The following SLC4A4 variants were observed in gnomAD, a reference collection of about 807,000 sequenced individuals.
SLC4A4 encodes solute carrier family 4 member 4, also known as electrogenic sodium bicarbonate cotransporter 1.
In SLC4A4, 27 loss-of-function variants were observed where a neutral mutation model predicts 111.5. That is an observed-to-expected ratio of 0.24 (90% CI 0.18 to 0.33). SLC4A4 has a LOEUF of 0.33. Ranked by LOEUF, SLC4A4 falls within the 10% of genes least tolerant of loss-of-function variation. The probability of loss-of-function intolerance (pLI) is 1.00; values close to 1 mark genes in which losing one functional copy is unlikely to be tolerated. For missense variants in SLC4A4, 909 were observed against 1,315.5 expected (o/e 0.69, Z 4.78); for synonymous variants, 443 against 463.4 (o/e 0.96, Z 0.57).
At chr4:71,522,087 C>G (rs897244610) in intron 16 of SLC4A4, among the ~76,000 whole-genome samples, 1 of 152,158 alleles carries the variant, frequency 6.6e-6, no homozygotes, top group Non-Finnish European at 1.5e-5. Flanking sequence ...CTACAGAGCC[C>G]TAATGCTCAG....
rs1207803399 is a variant in SLC4A4, at chr4:71,397,435, A to G, written c.731-142A>G. Reference sequence around the variant, plus strand: ...TTGTACTCCAACCTGGACTCTGGAAAACTCTTCAGAAGAATCCTAGTGTGG... The same window carrying G: ...TTGTACTCCAACCTGGACTCTGGAAGACTCTTCAGAAGAATCCTAGTGTGG... On this transcript the variant is annotated intron_variant, in intron 6 of 25. Coordinates refer to ENST00000264485, the MANE Select transcript of SLC4A4 (RefSeq NM_001098484.3). The G allele has an allele frequency of 3.9e-6, 3 of 770,222 alleles. No homozygotes were observed. In the East Asian group the frequency reaches 7.8e-5, roughly 20 times the overall value. 47.7% of individuals were successfully genotyped at this position (770,222 alleles called of 1,614,324 possible).
chr4:71,117,566 C>T (rs1208104609), intron 2 of SLC4A4, among the ~76,000 whole-genome samples: 1 of 152,172 alleles, frequency 6.6e-6, no homozygotes, highest in Non-Finnish European at 1.5e-5. Context: ...GTTCATCTCT[C>T]TTTCCTCTAG....
At chr4:71,443,280 A>C (rs1724939207) in intron 8 of SLC4A4, among the ~76,000 whole-genome samples, 1 of 151,254 alleles carries the variant, frequency 6.6e-6, no homozygotes, top group African/African-American at 2.4e-5. Flanking sequence ...CCTCCTGAGC[A>C]GCTGGGATAA....
intron 7 of SLC4A4, among the ~76,000 whole-genome samples, chr4:71,401,946 A>T (rs1316496202): frequency 6.6e-6 from 1 of 152,156 alleles, no homozygotes; most frequent in African/African-American, 2.4e-5. Flanking sequence ...TATTTCTGTG[A>T]TATTCATTAT....
chr4:71,096,402 A>T (rs1041995600), intron 2 of SLC4A4, among the ~76,000 whole-genome samples: 3 of 152,200 alleles, frequency 2.0e-5, no homozygotes, highest in Admixed American at 6.5e-5. Flanking sequence ...GAAGCACTGC[A>T]AAGAAGATGA....
chr4:71,351,584 G>T (rs989209750), intron 5 of SLC4A4, among the ~76,000 whole-genome samples: 2 of 152,188 alleles, frequency 1.3e-5, no homozygotes, highest in Non-Finnish European at 2.9e-5. Flanking sequence ...GCTGGGCGTG[G>T]TGGCTCATGC....
chr4:71,313,525 T>C (rs1429408263), intron 3 of SLC4A4, among the ~76,000 whole-genome samples: 1 of 152,062 alleles, frequency 6.6e-6, no homozygotes, highest in Admixed American at 6.5e-5. Context: ...GACTTCAAAC[T>C]ACAAGGCTAC....
At chr4:71,268,283 G>T (rs1163166356) in intron 3 of SLC4A4, among the ~76,000 whole-genome samples, 1 of 151,962 alleles carries the variant, frequency 6.6e-6, no homozygotes, top group African/African-American at 2.4e-5. Flanking sequence ...TTCATTCTGG[G>T]TGAATATTTC....
intron 2 of SLC4A4, among the ~76,000 whole-genome samples, chr4:71,175,700 C>A (rs1309355962): frequency 6.6e-6 from 1 of 152,210 alleles, no homozygotes; most frequent in Non-Finnish European, 1.5e-5. Context: ...CTGGGTGGAG[C>A]CCACTGCAGC....
chr4:71,472,528 T>C (rs1727978393), intron 13 of SLC4A4, among the ~76,000 whole-genome samples, 171 bp from the exon 14 acceptor site: 1 of 152,002 alleles, frequency 6.6e-6, no homozygotes, highest in Non-Finnish European at 1.5e-5. Context: ...AATTGTATCA[T>C]TAAACTAAAT....
rs71212000 is a variant in SLC4A4 at position 71,196,834 on chromosome 4, CAAAAAAAAAAAAAAAAAAAA to C, written c.-2+9454_-2+9473del. On this transcript the variant is annotated intron_variant, in intron 1 of 25. Transcript: ENST00000264485. ...GGGTGACAGAGCAAGACTCTGTCTC[CAAAAAAAAAAAAAAAAAAAA>C]AAAAAAAAAAAAAAAAAAAATGCAG... 2.2e-3 allele frequency among the ~76,000 whole-genome samples: 45 copies of C among 20,330 alleles called. 1 individual carries two copies. Among genetic ancestry groups the C allele is most frequent in the East Asian group, 7.8e-3 (4 of 514 alleles). The allele number at this position is 20,330 out of a possible 152,430, so 13.3% of individuals were successfully genotyped here.
intron 16 of SLC4A4, among the ~76,000 whole-genome samples, chr4:71,528,767 G>A (rs895611058): frequency 1.3e-5 from 2 of 151,684 alleles, no homozygotes; most frequent in South Asian, 2.1e-4. Context: ...AGTCAACAAC[G>A]TATAATATTA....
intron 1 of SLC4A4, among the ~76,000 whole-genome samples, chr4:71,091,310 T>C (rs1465515410): frequency 1.3e-5 from 2 of 149,268 alleles, no homozygotes; most frequent in East Asian, 4.0e-4. Context: ...TGGAGTGCAG[T>C]GGCATGATCT....
intron 16 of SLC4A4, among the ~76,000 whole-genome samples, chr4:71,531,797 ACAC>A (rs1733944552): frequency 2.0e-5 from 3 of 148,420 alleles, no homozygotes; most frequent in Middle Eastern, 6.9e-3. Flanking sequence ...ACACACACAC[ACAC>A]ACACAGAAAG....
chr4:71,504,440 A>G (rs1265587639), intron 16 of SLC4A4, among the ~76,000 whole-genome samples: 3 of 151,700 alleles, frequency 2.0e-5, no homozygotes, highest in Non-Finnish European at 4.4e-5. Flanking sequence ...TTCTTTCACT[A>G]AATTCTTCAC....
At chr4:71,547,167 T>C (rs895053573) in intron 19 of SLC4A4, among the ~76,000 whole-genome samples, 2 of 151,924 alleles carry the variant, frequency 1.3e-5, no homozygotes, top group Non-Finnish European at 2.9e-5. Flanking sequence ...AAAAGTACTT[T>C]TGTTGTTGTA....
At chr4:71,383,591 G>C (rs931683670) in intron 6 of SLC4A4, among the ~76,000 whole-genome samples, 7 of 152,114 alleles carry the variant, frequency 4.6e-5, no homozygotes, top group Non-Finnish European at 8.8e-5. Flanking sequence ...GTAGTTTACT[G>C]TTTCGTAAGG....
chr4:71,427,646 G>A (rs927063214), intron 7 of SLC4A4, among the ~76,000 whole-genome samples: 2 of 152,076 alleles, frequency 1.3e-5, no homozygotes, highest in East Asian at 3.9e-4. Flanking sequence ...ATCCATAGTA[G>A]AGATAATTTT....
chr4:71,500,553 C>T (rs1187016466), intron 16 of SLC4A4, among the ~76,000 whole-genome samples: 7 of 152,154 alleles, frequency 4.6e-5, no homozygotes, highest in African/African-American at 1.7e-4. Context: ...AACTCCTGAC[C>T]TCGTGACCCA....
Sources: allele counts gnomAD v4.1 joint callset (sites outside exome capture counted in the v4.1 genomes callset), GRCh38; gene constraint gnomAD v4.1.1; transcripts MANE v1.5; gene names NCBI Gene and HGNC (gene_info 2026-07-23, HGNC 2026-07-21).